Variants in RALGAPA1 observed in about 807,000 individuals in gnomAD.
The protein encoded by RALGAPA1 is Ral GTPase activating protein catalytic subunit alpha 1.
RALGAPA1 carries 52 observed loss-of-function variants against 269.6 expected under a neutral mutation model. That is an observed-to-expected ratio of 0.19 (90% CI 0.15 to 0.24). RALGAPA1 has a LOEUF of 0.24. Ranked by LOEUF, RALGAPA1 falls within the 10% of genes least tolerant of loss-of-function variation. RALGAPA1 has a pLI of 1.00. For synonymous variants in RALGAPA1, 817 were observed against 1,008.3 expected (o/e 0.81, Z 3.60); for missense variants, 1,917 against 3,013.9 (o/e 0.64, Z 8.52).
intron 10 of RALGAPA1, among the ~76,000 whole-genome samples, chr14:35,745,851 G>A (rs575732732): frequency 2.7e-5 from 4 of 150,830 alleles, no homozygotes; most frequent in South Asian, 2.1e-4. Flanking sequence ...CTGGGAGGCC[G>A]ACGAGAGAGG....
At chr14:35,752,732 G>A (rs2072835097) in intron 7 of RALGAPA1, among the ~76,000 whole-genome samples, 1 of 152,144 alleles carries the variant, frequency 6.6e-6, no homozygotes, top group Non-Finnish European at 1.5e-5. Flanking sequence ...CCAAGCAGGT[G>A]GTTGGCAAAG....
chr14:35,745,177 GAACT>G lies in RALGAPA1; in HGVS notation c.1252-2616_1252-2613del, dbSNP rs370972883. ...GTGATAATTTATCAATTTACAATGA[GAACT>G]AACTGTCAAAGAAATCAGAATATTC... is the stretch of plus-strand genomic sequence containing the variant. On this transcript the variant is annotated intron_variant, in intron 10 of 41. Coordinates refer to ENST00000680220, the MANE Select transcript of RALGAPA1 (RefSeq NM_001346249.2). Among the ~76,000 whole-genome samples, 331 of 152,138 alleles carry G rather than the reference GAACT, an allele frequency of 2.2e-3. 3 individuals carry two copies. Among genetic ancestry groups the G allele is most frequent in the African/African-American group, 7.6e-3 (316 of 41,510 alleles).
chr14:35,615,446 G>A (rs1192197849), intron 35 of RALGAPA1, among the ~76,000 whole-genome samples: 1 of 152,126 alleles, frequency 6.6e-6, no homozygotes, highest in Admixed American at 6.5e-5. Context: ...GTCCTCCCTA[G>A]ACAAGTAATC....
intron 31 of RALGAPA1, among the ~76,000 whole-genome samples, chr14:35,646,105 C>T (rs144711520): frequency 4.6e-5 from 7 of 151,944 alleles, no homozygotes; most frequent in East Asian, 3.9e-4. Context: ...CTTCCTTATA[C>T]GTAGAAAGCT....
At chr14:35,590,570 G>C (rs1351457796) in intron 37 of RALGAPA1, among the ~76,000 whole-genome samples, 1 of 152,190 alleles carries the variant, frequency 6.6e-6, no homozygotes, top group Non-Finnish European at 1.5e-5. Flanking sequence ...TCCGTGGCCT[G>C]CCGCCATGTA....
intron 7 of RALGAPA1, 89 bp from the exon 8 acceptor site, chr14:35,752,251 G>A: frequency 1.5e-6 from 2 of 1,325,266 alleles, no homozygotes; most frequent in Non-Finnish European, 2.0e-6. Context: ...CTTGTAAAAG[G>A]TTGCAATACA....
rs769904893 is a variant in RALGAPA1 at position 35,688,407 on chromosome 14, C to G, written c.3952+52G>C. 6 of 1,534,850 alleles carry G rather than the reference C, an allele frequency of 3.9e-6. No homozygotes were observed. The African/African-American group carries it at 8.2e-5, about 21-fold the overall frequency. On this transcript the variant is annotated intron_variant, in intron 18 of 41. Coordinates refer to ENST00000680220, the MANE Select transcript of RALGAPA1 (RefSeq NM_001346249.2). ...ATAGCTTGCTTCAGTTGCATTAAGC[C>G]AAACTGGTGCTGTCTTTCTCCTTTT...
chr14:35,577,118 C>T (rs1035566263), intron 37 of RALGAPA1, among the ~76,000 whole-genome samples: 3 of 152,164 alleles, frequency 2.0e-5, no homozygotes, highest in African/African-American at 7.2e-5. Context: ...TATCTAAGTG[C>T]TCACAAACCA....
chr14:35,772,443 A>G (rs1229621184), intron 3 of RALGAPA1, among the ~76,000 whole-genome samples: 1 of 152,156 alleles, frequency 6.6e-6, no homozygotes, highest in African/African-American at 2.4e-5. Flanking sequence ...CTTTACACAA[A>G]TATGTTCAAA....
intron 1 of RALGAPA1, among the ~76,000 whole-genome samples, chr14:35,793,962 T>C (rs1351050421): frequency 6.6e-6 from 1 of 152,230 alleles, no homozygotes; most frequent in Non-Finnish European, 1.5e-5. Flanking sequence ...AAAAAGCTTG[T>C]TCTGTTAAGG....
intron 1 of RALGAPA1, among the ~76,000 whole-genome samples, chr14:35,786,726 G>A (rs1216553213): frequency 6.6e-6 from 1 of 152,030 alleles, no homozygotes; most frequent in Non-Finnish European, 1.5e-5. Flanking sequence ...CTATTAAATC[G>A]AAATTTTAAG....
chr14:35,666,793 G>A (rs1015486128), intron 26 of RALGAPA1, among the ~76,000 whole-genome samples: 3 of 152,090 alleles, frequency 2.0e-5, no homozygotes, highest in Admixed American at 2.0e-4. Flanking sequence ...TGACATTAGG[G>A]CTTAATTCTC....
chr14:35,645,346 GGTGTGTGTGTGTGTGTGTGTGTGT>G (rs58039867), intron 31 of RALGAPA1, among the ~76,000 whole-genome samples: 3 of 129,560 alleles, frequency 2.3e-5, no homozygotes, highest in African/African-American at 9.1e-5. Flanking sequence ...TATAGAGATG[GGTGTGTGTGTGTGTGTGTGTGTGT>G]GTGTGTGTGT....
intron 39 of RALGAPA1, among the ~76,000 whole-genome samples, chr14:35,558,140 A>T (rs2055813715): frequency 6.6e-6 from 1 of 152,182 alleles, no homozygotes; most frequent in Non-Finnish European, 1.5e-5. Flanking sequence ...AAAAAATCCA[A>T]CCAGAGGGAA....
chr14:35,712,313 G>A (rs2068426496), intron 16 of RALGAPA1, among the ~76,000 whole-genome samples: 1 of 151,042 alleles, frequency 6.6e-6, no homozygotes. Context: ...AGTGTTGGTG[G>A]TAAGTAAATA....
chr14:35,737,620 G>A (rs777621318), intron 12 of RALGAPA1, among the ~76,000 whole-genome samples: 15 of 151,002 alleles, frequency 9.9e-5, no homozygotes, highest in East Asian at 7.8e-4. Flanking sequence ...TTAGCCAGGC[G>A]TGGTGGCGGG....
intron 35 of RALGAPA1, among the ~76,000 whole-genome samples, chr14:35,622,368 AT>A (rs753001708): frequency 4.7e-5 from 7 of 149,676 alleles, no homozygotes; most frequent in Non-Finnish European, 8.9e-5. Flanking sequence ...CTGTTGGGGG[AT>A]TGGGGGCTGG....
intron 31 of RALGAPA1, among the ~76,000 whole-genome samples, chr14:35,636,925 G>A (rs2061697032): frequency 6.6e-6 from 1 of 152,142 alleles, no homozygotes; most frequent in Admixed American, 6.5e-5. Flanking sequence ...GGGAAAAACT[G>A]TGAAAGAGAG....
intron 28 of RALGAPA1, among the ~76,000 whole-genome samples, chr14:35,658,898 C>A (rs1301339964): frequency 6.6e-6 from 1 of 151,816 alleles, no homozygotes; most frequent in Non-Finnish European, 1.5e-5. Flanking sequence ...TAAAACAAAT[C>A]ATTTTAGAGA....
Sources: gnomAD v4.1 joint callset for allele counts (sites outside exome capture counted in the v4.1 genomes callset) on GRCh38, gnomAD v4.1.1 for gene constraint, MANE v1.5 for transcripts, NCBI Gene and HGNC (gene_info 2026-07-23, HGNC 2026-07-21) for gene names.